The following DCC variants were observed in gnomAD, a reference collection of about 807,000 sequenced individuals.
The protein encoded by DCC is DCC netrin 1 receptor.
Under a neutral mutation model 172.5 loss-of-function variants are expected in DCC, and 58 were observed. The ratio of observed to expected loss-of-function variants is 0.34; its 90% CI spans 0.27 to 0.42. The LOEUF (loss-of-function observed/expected upper bound fraction) is 0.42. Among genes scored for constraint, DCC ranks in the 10% least tolerant of loss-of-function variants. The pLI, the probability that DCC is intolerant of heterozygous loss-of-function variation, is 1.00. For synonymous variants in DCC, 709 were observed against 644.5 expected (o/e 1.10, Z -1.52); for missense variants, 1,740 against 1,791.0 (o/e 0.97, Z 0.51).
In DCC at chr18:52,460,835, C is replaced by T. The variant is rs532320825; in HGVS notation, c.91+119957C>T. Among the ~76,000 whole-genome samples, 3 of 152,232 alleles carry T rather than the reference C, an allele frequency of 2.0e-5. 1 individual carries two copies. Among genetic ancestry groups the T allele is most frequent in the South Asian group, 4.1e-4 (2 of 4,820 alleles). ...GGGAATTTACCATGAATGGAGCTTA[C>T]AGGACTGGAAATTGCTCTGGGTGAG... On this transcript the variant is annotated intron_variant, in intron 1 of 28. Transcript: ENST00000442544.
At chr18:52,724,222 C>T (rs940890436) in intron 1 of DCC, among the ~76,000 whole-genome samples, 3 of 152,196 alleles carry the variant, frequency 2.0e-5, no homozygotes, top group African/African-American at 7.2e-5. Context: ...TCAGGACTCA[C>T]TGCAATTTTG....
chr18:52,645,277 G>A (rs994864950), intron 1 of DCC, among the ~76,000 whole-genome samples: 6 of 151,988 alleles, frequency 3.9e-5, no homozygotes, highest in Non-Finnish European at 5.9e-5. Flanking sequence ...AGATTACACC[G>A]AGAAAATTCA....
chr18:53,311,267 A>G (rs1158594599), intron 13 of DCC, among the ~76,000 whole-genome samples: 1 of 152,000 alleles, frequency 6.6e-6, no homozygotes. Context: ...GATTACAGGC[A>G]TGCACCACCA....
At chr18:52,843,737 A>G (rs990636450) in intron 2 of DCC, among the ~76,000 whole-genome samples, 1 of 152,172 alleles carries the variant, frequency 6.6e-6, no homozygotes, top group Admixed American at 6.5e-5. Context: ...AATTAAACAC[A>G]TGCTGGTCAT....
intron 20 of DCC, among the ~76,000 whole-genome samples, chr18:53,414,321 AAGGTGGTAGAT>A (rs1335091152): frequency 1.3e-5 from 2 of 152,146 alleles, no homozygotes; most frequent in Non-Finnish European, 2.9e-5. Flanking sequence ...AAAATTTAGT[AAGGTGGTAGAT>A]CATATACTGT....
Position 52,615,331 on chromosome 18 carries a change from T to G in DCC, c.92-136723T>G, listed in dbSNP as rs546925038. ...TTTGAGTGCTCTGCTCATTCCTAAG[T>G]GCTTCTGCCGTTTAGATTTACTTGT... On this transcript the variant is annotated intron_variant, in intron 1 of 28. Transcript: ENST00000442544. 7.9e-5 allele frequency among the ~76,000 whole-genome samples: 12 copies of G among 152,326 alleles called. No individual in the cohort carries two copies. In the East Asian group the frequency reaches 2.3e-3, roughly 29 times the overall value.
intron 2 of DCC, among the ~76,000 whole-genome samples, chr18:52,790,083 C>T (rs1288386311): frequency 6.6e-6 from 1 of 152,120 alleles, no homozygotes; most frequent in East Asian, 1.9e-4. Context: ...CTGGCCCTCA[C>T]CCAGGAACTG....
At chr18:52,973,228 A>G (rs1218515800) in intron 5 of DCC, among the ~76,000 whole-genome samples, 1 of 152,180 alleles carries the variant, frequency 6.6e-6, no homozygotes. Flanking sequence ...GTATTTTTAA[A>G]TTGACAAGTA....
At chr18:52,658,222 C>T (rs528832272) in intron 1 of DCC, among the ~76,000 whole-genome samples, 21 of 152,214 alleles carry the variant, frequency 1.4e-4, no homozygotes, top group Admixed American at 3.3e-4. Flanking sequence ...GTTGAGACAC[C>T]AGTTATATGT....
At chr18:52,622,880 T>C (rs1300788670) in intron 1 of DCC, among the ~76,000 whole-genome samples, 2 of 152,252 alleles carry the variant, frequency 1.3e-5, no homozygotes, top group Non-Finnish European at 2.9e-5. Context: ...TTTTTGTTCA[T>C]GATTACTCTC....
At position 53,486,943 on chromosome 18, in the gene DCC, G is replaced by T. The variant is rs761931430; in HGVS notation, c.3883G>T (p.Ala1295Ser). The T allele has an allele frequency of 1.2e-6, 2 of 1,614,062 alleles. No individual in the cohort carries two copies. The highest frequency in any genetic ancestry group is 2.7e-5 in the African/African-American group (2 of 74,932). ...ACTCTCAGTGGACCGAGGTTTCGGA[G>T]CAGGAAGAAGTCAGTGTAATGCATT... The part of the protein sequence containing the change: ...PTLSVDRGFG[A>S]GRSQSVSEGP... The change falls in exon 26 of 29, where the codon GCA (alanine) becomes TCA (serine). Residue 1295 changes from alanine (A) to serine (S), a missense_variant. By Grantham distance (99) the Ala-to-Ser change is moderately conservative. Around this residue, in one of 2 missense-constraint regions of DCC, gnomAD observed 1,732 missense variants for 1,767.4 expected, o/e 0.98. Transcript: ENST00000442544.
chr18:52,785,128 C>T (rs904976516), intron 2 of DCC, among the ~76,000 whole-genome samples: 5 of 152,034 alleles, frequency 3.3e-5, no homozygotes, highest in African/African-American at 1.2e-4. Flanking sequence ...TGTAAATGGA[C>T]TTTCCAGTTA....
chr18:52,686,432 C>T (rs893625758), intron 1 of DCC, among the ~76,000 whole-genome samples: 1 of 152,130 alleles, frequency 6.6e-6, no homozygotes, highest in African/African-American at 2.4e-5. Context: ...TGCTCAATTT[C>T]CCTTTGTTTA....
At chr18:52,677,829 G>T (rs2035672604) in intron 1 of DCC, among the ~76,000 whole-genome samples, 1 of 152,104 alleles carries the variant, frequency 6.6e-6, no homozygotes, top group African/African-American at 2.4e-5. Flanking sequence ...TCAAAAGGCT[G>T]GCTTCTCGTT....
At chr18:53,215,924 T>C (rs1445048264) in intron 12 of DCC, among the ~76,000 whole-genome samples, 2 of 152,218 alleles carry the variant, frequency 1.3e-5, no homozygotes, top group African/African-American at 2.4e-5. Flanking sequence ...GTCTATCATA[T>C]AGCAATGATG....
At chr18:52,511,871 T>C (rs1307963538) in intron 1 of DCC, among the ~76,000 whole-genome samples, 4 of 152,210 alleles carry the variant, frequency 2.6e-5, no homozygotes, top group Non-Finnish European at 5.9e-5. Context: ...ACATGCTGTC[T>C]TTCCCATTAT....
chr18:52,954,415 T>G (rs2040708159), intron 5 of DCC, among the ~76,000 whole-genome samples: 1 of 152,168 alleles, frequency 6.6e-6, no homozygotes, highest in African/African-American at 2.4e-5. Context: ...TGTACTCTAA[T>G]TTAGTCTGAC....
chr18:53,318,635 T>A (rs1392982766), intron 13 of DCC, among the ~76,000 whole-genome samples: 1 of 152,152 alleles, frequency 6.6e-6, no homozygotes, highest in African/African-American at 2.4e-5. Flanking sequence ...TGTAGGTCCC[T>A]AAGAACTTGC....
intron 22 of DCC, among the ~76,000 whole-genome samples, chr18:53,440,044 C>A (rs1383968871): frequency 8.5e-5 from 13 of 152,066 alleles, no homozygotes; most frequent in Admixed American, 7.9e-4. Context: ...GGATTACAGG[C>A]GTGAGCCACC....
Sources: allele counts gnomAD v4.1 joint callset (sites outside exome capture counted in the v4.1 genomes callset), GRCh38; gene constraint gnomAD v4.1.1; regional missense constraint gnomAD v4.1.1; transcripts MANE v1.5; gene names NCBI Gene and HGNC (gene_info 2026-07-23, HGNC 2026-07-21).